KCNAB2: variants seen among roughly 807,000 people sequenced by gnomAD.
KCNAB2 encodes potassium voltage-gated channel subfamily A regulatory beta subunit 2, also known as voltage-gated potassium channel subunit beta-2.
A neutral mutation model predicts 63.6 loss-of-function variants in KCNAB2; 29 were observed. The observed-to-expected ratio is 0.46, with a 90% CI of 0.34 to 0.62. The LOEUF is 0.62. Among genes scored for constraint, KCNAB2 ranks in the 20% least tolerant of loss-of-function variants. The probability of loss-of-function intolerance (pLI) is 0.01; values close to 1 mark genes in which losing one functional copy is unlikely to be tolerated. For missense variants in KCNAB2, 359 were observed against 563.9 expected, an observed-to-expected ratio of 0.64 and a Z score of 3.68; for synonymous variants, 222 against 224.2, an observed-to-expected ratio of 0.99 and a Z score of 0.09.
In KCNAB2 at chr1:6,024,270, G is replaced by A. The variant is rs1362122736; in HGVS notation, c.-52-16247G>A. ...AGGCTAATTTTTAAATTTTTTGTTA[G>A]AGATTGGGTCTCACTATGTTGCCCA... On this transcript the variant is annotated intron_variant, in intron 1 of 16. Transcript: ENST00000341524. The surrounding 1 kb of genome is among the most constrained non-coding windows in gnomAD (Gnocchi z 5.4). 6.6e-6 allele frequency among the ~76,000 whole-genome samples: 1 copy of A among 151,982 alleles called. No individual in the cohort carries two copies. The highest frequency in any genetic ancestry group is 1.5e-5 in the Non-Finnish European group (1 of 68,002).
At chr1:6,039,310 GC>G (rs1461701442) in intron 1 of KCNAB2, among the ~76,000 whole-genome samples, 2 of 152,224 alleles carry the variant, frequency 1.3e-5, no homozygotes, top group Non-Finnish European at 2.9e-5. Flanking sequence ...GGAGGAAAGA[GC>G]ATGGGACCAG....
intron 15 of KCNAB2, chr1:6,097,678 T>C (rs1339748086): frequency 1.6e-5 from 9 of 563,060 alleles, no homozygotes; most frequent in Non-Finnish European, 2.9e-5. Context: ...CAGGTGGGCT[T>C]GTTGAGAAGG....
rs1051407700 is a variant in KCNAB2 at position 6,095,303 on chromosome 1, G to A, written c.733-20G>A. The A allele has an allele frequency of 1.2e-6, 2 of 1,607,010 alleles. No individual in the cohort carries two copies. The highest frequency in any genetic ancestry group is 1.7e-6 in the Non-Finnish European group (2 of 1,177,632). ...CTGCTCACAGGCAAGGGCCCTCGGG[G>A]TCCCTTTCTGCCTTCACAGGAGGCC... On this transcript the variant is annotated intron_variant, in intron 11 of 15. Transcript: ENST00000378083.
At position 6,078,343 on chromosome 1, in the gene KCNAB2, C is replaced by G. The variant is rs1663868665; in HGVS notation, c.301-3852C>G. 6.6e-6 allele frequency among the ~76,000 whole-genome samples: 1 copy of G among 152,202 alleles called. No individual in the cohort carries two copies. The highest frequency in any genetic ancestry group is 1.5e-5 in the Non-Finnish European group (1 of 68,054). On this transcript the variant is annotated intron_variant, in intron 4 of 15. Coordinates refer to ENST00000378083, the MANE Select transcript of KCNAB2 (RefSeq NM_001199862.2). The surrounding 1 kb of genome is among the most constrained non-coding windows in gnomAD (Gnocchi z 4.2). ...CGTTAATCCCATCTGCAAAGTCCCT[C>G]TTTCTACCTAAGGTCACATTCCCAG...
In KCNAB2 at chr1:6,091,290, G is replaced by C. The variant is rs957677994; in HGVS notation, c.629G>C (p.Arg210Thr). Reference protein sequence around the residue: ...EGDPFSSSKSRTFIIEETVRA... With the variant: ...EGDPFSSSKSTTFIIEETVRA... Reference sequence around the variant, plus strand: ...GACCCATTTAGTTCCTCCAAGTCAAGGACATTCATCATAGAAGGTACACAG... The same window carrying C: ...GACCCATTTAGTTCCTCCAAGTCAACGACATTCATCATAGAAGGTACACAG... Residue 210 changes from arginine (R) to threonine (T), a missense_variant, in exon 10 of 16, where the codon AGG (arginine) becomes ACG (threonine). Coordinates refer to ENST00000378083, the MANE Select transcript of KCNAB2 (RefSeq NM_001199862.2). 1 of 1,533,734 alleles carries C rather than the reference G, an allele frequency of 6.5e-7. No individual in the cohort carries two copies. The highest frequency in any genetic ancestry group is 1.2e-5 in the South Asian group (1 of 84,004).
chr1:6,085,729 C>A (rs974487721), intron 6 of KCNAB2: 60 of 666,696 alleles, frequency 9.0e-5, no homozygotes, highest in Non-Finnish European at 1.1e-4. Flanking sequence ...CACCCTGCAC[C>A]TTGTCCACAG....
rs933657580 is a variant in KCNAB2 at position 6,028,735 on chromosome 1, C to A, written c.-52-11782C>A. 6.6e-6 allele frequency among the ~76,000 whole-genome samples: 1 copy of A among 152,214 alleles called. No individual in the cohort carries two copies. Among genetic ancestry groups the A allele is most frequent in the African/African-American group, 2.4e-5 (1 of 41,462 alleles). ...TCCATCGTTGGTGTTGCTCCACTGA[C>A]CTCCAGGATGGCCTCCAGGGACCCC... On this transcript the variant is annotated intron_variant, in intron 1 of 16. Coordinates refer to the KCNAB2 transcript ENST00000341524. This position sits in a 1 kb window ranked among gnomAD's most constrained non-coding sequence, Gnocchi z 4.0.
At chr1:6,004,827 C>G (rs988173449) in intron 1 of KCNAB2, among the ~76,000 whole-genome samples, 1 of 151,644 alleles carries the variant, frequency 6.6e-6, no homozygotes, top group African/African-American at 2.4e-5. Context: ...TTTCTACCCC[C>G]GAGTCCCACC....
chr1:6,095,695 G>C (rs1037707154), intron 13 of KCNAB2, 71 bp downstream of exon 13: 4 of 1,410,694 alleles, frequency 2.8e-6, no homozygotes, highest in Non-Finnish European at 3.0e-6. Context: ...CCTTTGGGCC[G>C]ACTGCTTTGG....
At chr1:6,056,018 G>T (rs1237760497) in intron 2 of KCNAB2, among the ~76,000 whole-genome samples, 1 of 151,932 alleles carries the variant, frequency 6.6e-6, no homozygotes, top group Admixed American at 6.6e-5. Flanking sequence ...GTAGCTGATG[G>T]AGGTGGACGG....
chr1:6,077,958 A>G (rs1310110438), intron 4 of KCNAB2, among the ~76,000 whole-genome samples: 2 of 152,174 alleles, frequency 1.3e-5, no homozygotes, highest in East Asian at 3.9e-4. Flanking sequence ...GCAGCAACGT[A>G]TTCTCTCACA....
chr1:6,007,269 C>T (rs1657858590), intron 1 of KCNAB2, among the ~76,000 whole-genome samples: 1 of 152,228 alleles, frequency 6.6e-6, no homozygotes. Flanking sequence ...CCAGCCACAC[C>T]CAGGGACAGG....
rs967455620 is a variant in KCNAB2 at position 6,003,912 on chromosome 1, G to A, written c.-53+11124G>A. On this transcript the variant is annotated intron_variant, in intron 1 of 16. Transcript: ENST00000341524. The surrounding 1 kb of genome is among the most constrained non-coding windows in gnomAD (Gnocchi z 4.1). ...CCTTTAATGGATGTGGTGGAGTAAA[G>A]CTGCCTTTCAAATTGCTGCCGCAGC... 1.8e-4 allele frequency among the ~76,000 whole-genome samples: 27 copies of A among 152,228 alleles called. No homozygotes were observed. The highest frequency in any genetic ancestry group is 5.9e-5 in the Non-Finnish European group (4 of 68,034).
intron 5 of KCNAB2, among the ~76,000 whole-genome samples, chr1:6,084,257 A>G (rs996021924): frequency 6.6e-6 from 1 of 152,208 alleles, no homozygotes; most frequent in African/African-American, 2.4e-5. Context: ...CAAGGCTGGG[A>G]CGGCCGCCCA....
rs116634727 is a variant in KCNAB2, at chr1:6,003,712, A to G, written c.-53+10924A>G. 1.9e-3 allele frequency among the ~76,000 whole-genome samples: 283 copies of G among 152,336 alleles called. 1 individual carries two copies. Among genetic ancestry groups the G allele is most frequent in the African/African-American group, 6.4e-3 (267 of 41,570 alleles). ...TACCCAATTTCAAAAAGGTCGTAGT[A>G]TATAGCTCATGTCCCAGAACCAGCC... On this transcript the variant is annotated intron_variant, in intron 1 of 16. Coordinates refer to the KCNAB2 transcript ENST00000341524. The surrounding 1 kb of genome is among the most constrained non-coding windows in gnomAD (Gnocchi z 4.1).
chr1:6,075,227 C>T (rs79760156), intron 4 of KCNAB2, among the ~76,000 whole-genome samples: 1,722 of 152,320 alleles, frequency 0.011, 20 homozygotes, highest in South Asian at 0.02. Flanking sequence ...CATTTCCAAA[C>T]AATATTAGCT....
upstream of KCNAB2, among the ~76,000 whole-genome samples, chr1:6,030,925 G>GA (rs1659580832): frequency 8.7e-6 from 1 of 114,390 alleles, no homozygotes; most frequent in Non-Finnish European, 1.9e-5. Context: ...TGTATGTGTA[G>GA]GGGTGTGTGT....
At chr1:6,018,063 C>A (rs1042425297) in intron 1 of KCNAB2, among the ~76,000 whole-genome samples, 1 of 152,134 alleles carries the variant, frequency 6.6e-6, no homozygotes, top group African/African-American at 2.4e-5. Context: ...CAGGCACACA[C>A]CTGTAATCCC....
Position 6,087,402 on chromosome 1 carries a change from G to A in KCNAB2, c.426-65G>A. The stretch of plus-strand genomic sequence containing the variant: ...CTCTGTGTGAGAGATGAGGACGTCG[G>A]GGATGAAGGAGGACCCCCCAGGGGC... On this transcript the variant is annotated intron_variant, in intron 6 of 15. Transcript: ENST00000378083. The surrounding 1 kb of genome is among the most constrained non-coding windows in gnomAD (Gnocchi z 6.4). The A allele has an allele frequency of 2.6e-6, 4 of 1,550,778 alleles. No homozygotes were observed. Among genetic ancestry groups the A allele is most frequent in the South Asian group, 1.1e-5 (1 of 89,686 alleles).
Sources: gnomAD v4.1 joint callset for allele counts (sites outside exome capture counted in the v4.1 genomes callset) on GRCh38, gnomAD v4.1.1 for gene constraint, Gnocchi (gnomAD v3.1) non-coding constraint, MANE v1.5 for transcripts, NCBI Gene and HGNC (gene_info 2026-07-23, HGNC 2026-07-21) for gene names.